LRMDA: variants seen among roughly 807,000 people sequenced by gnomAD.
LRMDA encodes the protein leucine-rich melanocyte differentiation-associated protein.
LRMDA carries 18 observed loss-of-function variants against 29.8 expected under a neutral mutation model. The ratio of observed to expected loss-of-function variants is 0.60; its 90% CI spans 0.42 to 0.90. LRMDA has a LOEUF of 0.90. Ranked by LOEUF, LRMDA falls within the 40% of genes least tolerant of loss-of-function variation. LRMDA has a pLI of 0.00. For missense variants in LRMDA, 273 were observed against 273.9 expected, an observed-to-expected ratio of 1.00 and a Z score of 0.02; for synonymous variants, 125 against 109.4, an observed-to-expected ratio of 1.14 and a Z score of -0.89.
chr10:75,944,832 T>C (rs571412941), intron 2 of LRMDA, among the ~76,000 whole-genome samples: 1 of 151,546 alleles, frequency 6.6e-6, no homozygotes, highest in South Asian at 2.1e-4. Context: ...CCTTTTAAAA[T>C]TCTAGTTCTC....
intron 2 of LRMDA, among the ~76,000 whole-genome samples, chr10:75,456,354 C>G (rs574363375): frequency 1.3e-5 from 2 of 152,274 alleles, no homozygotes; most frequent in African/African-American, 4.8e-5. Context: ...TGTGCTCGTT[C>G]AGAAGGGGAG....
chr10:76,118,148 A>C (rs1399541746), intron 5 of LRMDA, among the ~76,000 whole-genome samples: 1 of 152,318 alleles, frequency 6.6e-6, no homozygotes, highest in African/African-American at 2.4e-5. Context: ...TTTATGAGAG[A>C]GGCCACAAGC....
At chr10:76,405,413 C>CA (rs1278453037) in intron 6 of LRMDA, among the ~76,000 whole-genome samples, 2 of 152,154 alleles carry the variant, frequency 1.3e-5, no homozygotes, top group Non-Finnish European at 2.9e-5. Context: ...AGGTGTGTTT[C>CA]AACACAGTTC....
At chr10:75,925,093 C>A (rs1161509589) in intron 2 of LRMDA, among the ~76,000 whole-genome samples, 1 of 152,186 alleles carries the variant, frequency 6.6e-6, no homozygotes, top group African/African-American at 2.4e-5. Flanking sequence ...AGAGATGACA[C>A]CAATACCAAG....
At chr10:75,494,047 C>A (rs1244166502) in intron 2 of LRMDA, among the ~76,000 whole-genome samples, 1 of 152,190 alleles carries the variant, frequency 6.6e-6, no homozygotes, top group East Asian at 1.9e-4. Flanking sequence ...AGCCACCACG[C>A]CCAGCCAAAT....
chr10:76,511,688 T>G (rs1843010476), intron 6 of LRMDA, among the ~76,000 whole-genome samples: 1 of 151,494 alleles, frequency 6.6e-6, no homozygotes, highest in South Asian at 2.1e-4. Context: ...GTGTAAAACT[T>G]ACATGGTGAA....
chr10:76,006,281 A>G (rs1401865644), intron 2 of LRMDA, among the ~76,000 whole-genome samples: 1 of 152,128 alleles, frequency 6.6e-6, no homozygotes, highest in African/African-American at 2.4e-5. Flanking sequence ...GAGGGTGTTC[A>G]GAGGAGTGAG....
At chr10:75,897,984 G>C (rs528364673) in intron 2 of LRMDA, among the ~76,000 whole-genome samples, 1 of 152,016 alleles carries the variant, frequency 6.6e-6, no homozygotes, top group Non-Finnish European at 1.5e-5. Context: ...ACCACGCCTG[G>C]CTAATTTTTT....
rs545844639 is a variant in LRMDA, at chr10:75,691,997, G to C, written c.131+253503G>C. Among the ~76,000 whole-genome samples the C allele has an allele frequency of 2.6e-5, 4 of 152,064 alleles. No homozygotes were observed. In the South Asian group the frequency reaches 8.3e-4, roughly 32 times the overall value. On this transcript the variant is annotated intron_variant, in intron 2 of 6. Transcript: ENST00000611255. ...GCAGGAAGACCATTTGAGGCCAGGA[G>C]TTCAAGACAGGCTTAGGGAACAAAG...
At chr10:75,451,847 A>G (rs1236189271) in intron 2 of LRMDA, 2 of 151,112 alleles carry the variant, frequency 1.3e-5, no homozygotes, top group African/African-American at 4.9e-5. Context: ...GAGGAGTTAT[A>G]ATTTTTTCTT....
At chr10:76,324,102 T>C (rs934346035) in intron 5 of LRMDA, among the ~76,000 whole-genome samples, 7 of 152,190 alleles carry the variant, frequency 4.6e-5, no homozygotes, top group Admixed American at 2.0e-4. Flanking sequence ...TCTAAGCCTT[T>C]AACTTTTCCT....
chr10:75,897,720 C>T (rs190431627), intron 2 of LRMDA, among the ~76,000 whole-genome samples: 3 of 152,020 alleles, frequency 2.0e-5, no homozygotes, highest in African/African-American at 7.2e-5. Flanking sequence ...AATGATCTAT[C>T]CTCAAATACT....
At chr10:75,735,508 A>G (rs997201326) in intron 2 of LRMDA, among the ~76,000 whole-genome samples, 20 of 152,154 alleles carry the variant, frequency 1.3e-4, no homozygotes, top group Non-Finnish European at 7.3e-5. Flanking sequence ...AAACTCCTGG[A>G]TTGGTACTGA....
At chr10:75,930,968 G>A (rs1846195956) in intron 2 of LRMDA, among the ~76,000 whole-genome samples, 2 of 152,124 alleles carry the variant, frequency 1.3e-5, no homozygotes, top group Admixed American at 6.6e-5. Flanking sequence ...ATTCTACCAG[G>A]GACAGATAGA....
At chr10:76,392,956 A>C (rs4115411) in intron 6 of LRMDA, among the ~76,000 whole-genome samples, 91,949 of 151,924 alleles carry the variant, frequency 0.61, 32,173 homozygotes, top group Non-Finnish European at 0.81. Flanking sequence ...TTTCTTTGCC[A>C]GGCATATTTT....
chr10:76,529,754 C>T lies in LRMDA; in HGVS notation c.602-27455C>T, dbSNP rs149466529. On this transcript the variant is annotated intron_variant, in intron 6 of 6. Transcript: ENST00000611255. ...ATCTTCTCTGGTAGGGAGACTATAG[C>T]TCTTTTGGGTAGAAAATGCCCTTTT... Among the ~76,000 whole-genome samples, 1,164 of 152,210 alleles carry T rather than the reference C, an allele frequency of 7.6e-3. 11 individuals are homozygous for T. Among genetic ancestry groups the T allele is most frequent in the African/African-American group, 0.026 (1,089 of 41,530 alleles).
At chr10:76,464,541 GTGTCTT>G (rs1842545309) in intron 6 of LRMDA, among the ~76,000 whole-genome samples, 1 of 152,312 alleles carries the variant, frequency 6.6e-6, no homozygotes, top group Non-Finnish European at 1.5e-5. Context: ...AACAATTCAT[GTGTCTT>G]TACAAAGGGT....
chr10:76,439,540 G>T (rs1237220652), intron 6 of LRMDA, among the ~76,000 whole-genome samples: 2 of 152,156 alleles, frequency 1.3e-5, no homozygotes, highest in Non-Finnish European at 2.9e-5. Flanking sequence ...ACAAAGGAAA[G>T]GTGTTGTCTC....
chr10:75,875,908 G>A (rs1005200037), intron 2 of LRMDA, among the ~76,000 whole-genome samples: 1 of 152,082 alleles, frequency 6.6e-6, no homozygotes, highest in South Asian at 2.1e-4. Context: ...TGATTGGAGA[G>A]TAGTATTGGA....
Sources: gnomAD v4.1 joint callset for allele counts (sites outside exome capture counted in the v4.1 genomes callset) on GRCh38, gnomAD v4.1.1 for gene constraint, MANE v1.5 for transcripts, NCBI Gene and HGNC (gene_info 2026-07-23, HGNC 2026-07-21) for gene names.